The following AFF2 variants were observed in gnomAD, a reference collection of about 807,000 sequenced individuals.
AFF2 encodes AF4/FMR2 family member 2.
Under a neutral mutation model 76.9 loss-of-function variants are expected in AFF2, and 14 were observed. The ratio of observed to expected loss-of-function variants is 0.18; its 90% confidence interval spans 0.12 to 0.28. AFF2 has a LOEUF of 0.28. Ranked by LOEUF, AFF2 falls within the 10% of genes least tolerant of loss-of-function variation. The pLI is 1.00. For synonymous variants in AFF2, 398 were observed against 366.7 expected (o/e 1.09, Z -0.98); for missense variants, 868 against 1,001.1 (o/e 0.87, Z 1.79).
intron 3 of AFF2, among the ~76,000 whole-genome samples, chrX:148,750,353 G>C (rs548350691): frequency 9.0e-6 from 1 of 111,148 alleles, no homozygotes; most frequent in African/African-American, 3.3e-5. Context: ...TTTTCTGGGG[G>C]GAATAGCATT....
chrX:148,522,026 C>T (rs1320303324), intron 1 of AFF2, among the ~76,000 whole-genome samples: 4 of 112,152 alleles, frequency 3.6e-5, no homozygotes, highest in Admixed American at 9.4e-5. Context: ...ACCATATTGT[C>T]GGTGAGCCAA....
chrX:148,981,529 G>A (rs782053594), intron 19 of AFF2, among the ~76,000 whole-genome samples: 1 of 111,211 alleles, frequency 9.0e-6, no homozygotes, highest in East Asian at 2.9e-4. Flanking sequence ...CTGAAGAGAT[G>A]TCTCTTATAG....
chrX:148,790,368 A>G (rs782377046), intron 3 of AFF2, among the ~76,000 whole-genome samples: 1 of 111,626 alleles, frequency 9.0e-6, no homozygotes, highest in South Asian at 3.8e-4. Flanking sequence ...AAATCATTCT[A>G]TTACAAAGAT....
At chrX:148,670,221 TAGGA>T (rs2054406762) in intron 3 of AFF2, among the ~76,000 whole-genome samples, 1 of 111,525 alleles carries the variant, frequency 9.0e-6, no homozygotes, top group Non-Finnish European at 1.9e-5. Context: ...GAGAAGTGAT[TAGGA>T]AGGGTGTCCT....
chrX:148,657,579 CA>C (rs1449021522), intron 2 of AFF2, among the ~76,000 whole-genome samples: 1 of 110,911 alleles, frequency 9.0e-6, no homozygotes, highest in African/African-American at 3.3e-5. Flanking sequence ...TAATGAGAGG[CA>C]AAAAAACTTA....
intron 1 of AFF2, among the ~76,000 whole-genome samples, chrX:148,594,667 G>A (rs1442838112): frequency 8.9e-6 from 1 of 111,994 alleles, no homozygotes; most frequent in African/African-American, 3.2e-5. Flanking sequence ...AATCAATACA[G>A]TTCACACTGC....
chrX:148,987,404 C>T lies in AFF2; in HGVS notation c.3661C>T (p.Pro1221Ser). The change falls in exon 20 of 21, where the codon CCC becomes TCC. Residue 1221 changes from proline to serine, a missense_variant. Physicochemically the swap from Pro to Ser is moderately conservative, Grantham distance 74. Coordinates refer to ENST00000370460, the MANE Select transcript of AFF2 (RefSeq NM_002025.4). The part of the protein sequence containing the change: ...PSPVSLNNVS[P>S]INAMGNCNNG... ...CCCAGTGTCTCTCAACAACGTCTCCCCCATCAACGCAATGGGGAACTGTAA... is the reference window on the plus strand; with the variant it reads ...CCCAGTGTCTCTCAACAACGTCTCCTCCATCAACGCAATGGGGAACTGTAA... 8.3e-7 allele frequency: 1 copy of T among 1,210,958 alleles called. No individual in the cohort carries two copies. The highest frequency in any genetic ancestry group is 1.1e-6 in the Non-Finnish European group (1 of 895,129).
chrX:148,922,940 A>G (rs1461082907), intron 9 of AFF2, among the ~76,000 whole-genome samples: 1 of 112,109 alleles, frequency 8.9e-6, no homozygotes, highest in Non-Finnish European at 1.9e-5. Flanking sequence ...CACTTTGCCA[A>G]GATGTATTCT....
chrX:148,840,851 G>A (rs1217096331), intron 5 of AFF2, among the ~76,000 whole-genome samples: 1 of 111,857 alleles, frequency 8.9e-6, no homozygotes, highest in African/African-American at 3.2e-5. Flanking sequence ...GAAATCCAAT[G>A]CATAATGATC....
At chrX:148,776,712 T>C (rs1332122879) in intron 3 of AFF2, among the ~76,000 whole-genome samples, 1 of 112,171 alleles carries the variant, frequency 8.9e-6, no homozygotes, top group Non-Finnish European at 1.9e-5. Context: ...GTTGTTTTTT[T>C]TTCTCAAAAC....
Position 148,936,727 on chromosome X carries a change from G to A in AFF2, c.1398-16853G>A, listed in dbSNP as rs140945097. Among the ~76,000 whole-genome samples the A allele has an allele frequency of 9.4e-3, 1,062 of 112,414 alleles. 10 individuals are homozygous for A. The highest frequency in any genetic ancestry group is 0.032 in the African/African-American group (978 of 30,987). On this transcript the variant is annotated intron_variant, in intron 9 of 20. Transcript: ENST00000370460. ...TCACATTTTATGGTTAGTCACTGTG[G>A]GAAACGGGCTACAGTTGAGGGGACC...
At chrX:148,925,564 C>G (rs1487937871) in intron 9 of AFF2, among the ~76,000 whole-genome samples, 1 of 111,936 alleles carries the variant, frequency 8.9e-6, no homozygotes, top group African/African-American at 3.3e-5. Context: ...TCCTGTAAGG[C>G]TTTCAAAGAA....
chrX:148,693,673 A>C (rs2054680561), intron 3 of AFF2, among the ~76,000 whole-genome samples: 1 of 111,689 alleles, frequency 9.0e-6, no homozygotes, highest in Non-Finnish European at 1.9e-5. Flanking sequence ...AAGCCACATA[A>C]GAAAAGGCCA....
intron 1 of AFF2, among the ~76,000 whole-genome samples, chrX:148,621,357 A>G (rs980858859): frequency 9.0e-6 from 1 of 111,147 alleles, no homozygotes; most frequent in African/African-American, 3.3e-5. Context: ...TTGAAGTTCC[A>G]TGTTGACTTT....
intron 1 of AFF2, among the ~76,000 whole-genome samples, chrX:148,506,503 A>G (rs2052419902): frequency 3.6e-5 from 4 of 111,284 alleles, no homozygotes; most frequent in African/African-American, 1.3e-4. Context: ...TTAGAAAGAG[A>G]ACAGTCTATA....
At chrX:148,504,090 A>G (rs2052381678) in intron 1 of AFF2, among the ~76,000 whole-genome samples, 1 of 111,883 alleles carries the variant, frequency 8.9e-6, no homozygotes. Context: ...TTTGGTAACC[A>G]AGTAAATGAA....
At chrX:148,523,968 T>A (rs2052627894) in intron 1 of AFF2, among the ~76,000 whole-genome samples, 1 of 111,386 alleles carries the variant, frequency 9.0e-6, no homozygotes, top group Non-Finnish European at 1.9e-5. Context: ...CTCTTAGATG[T>A]CGGGCAGTAT....
chrX:148,902,470 G>GT (rs782307817), intron 8 of AFF2, among the ~76,000 whole-genome samples: 3 of 111,630 alleles, frequency 2.7e-5, no homozygotes, highest in African/African-American at 9.8e-5. Context: ...AGAGAAAAGG[G>GT]TTTTTTAAAA....
At chrX:148,973,393 C>G in intron 15 of AFF2, 78 bp from the exon 16 acceptor site, 1 of 1,140,371 alleles carries the variant, frequency 8.8e-7, no homozygotes, top group Non-Finnish European at 1.2e-6. Context: ...GCAAAACTAC[C>G]CCCCAGTTTC....
Sources: gnomAD v4.1 joint callset for allele counts (sites outside exome capture counted in the v4.1 genomes callset) on GRCh38, gnomAD v4.1.1 for gene constraint, MANE v1.5 for transcripts, NCBI Gene and HGNC (gene_info 2026-07-23, HGNC 2026-07-21) for gene names.